Variants in ZFAND6 observed in about 807,000 individuals in gnomAD.
ZFAND6 encodes zinc finger AN1-type containing 6.
ZFAND6 carries 12 observed loss-of-function variants against 24.5 expected under a neutral mutation model. The ratio of observed to expected loss-of-function variants is 0.49; its 90% CI spans 0.31 to 0.79. The LOEUF (loss-of-function observed/expected upper bound fraction) is 0.79. ZFAND6 is among the 30% of genes least tolerant of loss of function. The pLI, the probability that ZFAND6 is intolerant of heterozygous loss-of-function variation, is 0.04. For synonymous variants in ZFAND6, 92 were observed against 81.5 expected (o/e 1.13, Z -0.69); for missense variants, 207 against 245.9 (o/e 0.84, Z 1.06).
At chr15:80,064,891 C>G (rs1596170832) in intron 1 of ZFAND6, among the ~76,000 whole-genome samples, 1 of 151,956 alleles carries the variant, frequency 6.6e-6, no homozygotes, top group South Asian at 2.1e-4. Context: ...CTTGGCCTCC[C>G]TAAGTGCTGG....
chr15:80,085,412 A>G (rs1014155056), intron 1 of ZFAND6, among the ~76,000 whole-genome samples: 1 of 152,224 alleles, frequency 6.6e-6, no homozygotes. Flanking sequence ...TAAATTTCAA[A>G]GTAAATTAAT....
chr15:80,064,287 A>G (rs2036489443), intron 1 of ZFAND6, among the ~76,000 whole-genome samples: 1 of 152,262 alleles, frequency 6.6e-6, no homozygotes, highest in East Asian at 1.9e-4. Flanking sequence ...ACTAACATCA[A>G]ACTTTAATAT....
chr15:80,093,043 C>T (rs2038482797), intron 1 of ZFAND6, among the ~76,000 whole-genome samples: 1 of 151,604 alleles, frequency 6.6e-6, no homozygotes, highest in Middle Eastern at 3.2e-3. Flanking sequence ...CAACCTCTGC[C>T]TCCTCGGTTC....
intron 6 of ZFAND6, among the ~76,000 whole-genome samples, chr15:80,133,199 G>GTTTT (rs3082115): frequency 6.9e-6 from 1 of 145,580 alleles, no homozygotes; most frequent in Non-Finnish European, 1.5e-5. Flanking sequence ...TTTGTTTTTT[G>GTTTT]TTTTTTTTTT....
At chr15:80,133,741 G>A (rs2103043) in intron 6 of ZFAND6, among the ~76,000 whole-genome samples, 93,235 of 152,004 alleles carry the variant, frequency 0.61, 29,420 homozygotes, top group Admixed American at 0.71. Context: ...TAAGGCAGGA[G>A]GAGATCGTCT....
At chr15:80,129,079 A>G (rs34008123) in intron 5 of ZFAND6, among the ~76,000 whole-genome samples, 9,548 of 152,242 alleles carry the variant, frequency 0.063, 405 homozygotes, top group East Asian at 0.19. Flanking sequence ...TCTGATTGCA[A>G]GGTAAGCTGT....
chr15:80,067,426 T>G (rs879408185), intron 1 of ZFAND6, among the ~76,000 whole-genome samples: 7 of 152,180 alleles, frequency 4.6e-5, no homozygotes, highest in Non-Finnish European at 8.8e-5. Flanking sequence ...ATAGGTTAGG[T>G]CTTTCTCTTG....
In ZFAND6 at chr15:80,120,119, A is replaced by C. The variant is rs565411415; in HGVS notation, c.-17-209A>C. 2.6e-5 allele frequency among the ~76,000 whole-genome samples: 4 copies of C among 152,296 alleles called. No individual in the cohort carries two copies. In the South Asian group the frequency reaches 8.3e-4, roughly 32 times the overall value. Reference sequence around the variant, plus strand: ...TTCTGAGCCTGTACAGACTTGGCTTATGTAGAGTGGGTTGGAGATAAAAAG... The same window carrying C: ...TTCTGAGCCTGTACAGACTTGGCTTCTGTAGAGTGGGTTGGAGATAAAAAG... On this transcript the variant is annotated intron_variant, in intron 2 of 6. Transcript: ENST00000261749.
intron 2 of ZFAND6, among the ~76,000 whole-genome samples, chr15:80,101,355 C>T (rs963356918): frequency 6.6e-5 from 10 of 151,946 alleles, no homozygotes; most frequent in African/African-American, 4.8e-5. Flanking sequence ...CAAAGCTACT[C>T]GGGAGGCTGA....
chr15:80,114,716 C>G (rs2039787486), intron 2 of ZFAND6, among the ~76,000 whole-genome samples: 1 of 152,088 alleles, frequency 6.6e-6, no homozygotes, highest in African/African-American at 2.4e-5. Context: ...ATTCTTTTGT[C>G]AGAATTTTAA....
intron 1 of ZFAND6, among the ~76,000 whole-genome samples, chr15:80,076,580 G>T (rs1046136646): frequency 6.6e-6 from 1 of 152,144 alleles, no homozygotes; most frequent in African/African-American, 2.4e-5. Context: ...AGCTGATTCT[G>T]TGCTAAACAT....
chr15:80,069,591 C>G (rs1156590930), intron 1 of ZFAND6, among the ~76,000 whole-genome samples: 1 of 152,036 alleles, frequency 6.6e-6, no homozygotes, highest in Non-Finnish European at 1.5e-5. Context: ...ATATATCTTA[C>G]TTTTGCCAGG....
At chr15:80,081,501 A>G (rs912513218) in intron 1 of ZFAND6, among the ~76,000 whole-genome samples, 1 of 148,614 alleles carries the variant, frequency 6.7e-6, no homozygotes, top group African/African-American at 2.6e-5. Context: ...GTATTGTCAA[A>G]TAACATATTG....
At chr15:80,110,431 C>T (rs1023238816) in intron 2 of ZFAND6, among the ~76,000 whole-genome samples, 4 of 151,948 alleles carry the variant, frequency 2.6e-5, no homozygotes, top group African/African-American at 9.7e-5. Flanking sequence ...ACTAAATAAA[C>T]TGAGAGATAT....
chr15:80,059,411 C>T (rs185220012), upstream of ZFAND6, among the ~76,000 whole-genome samples: 1 of 152,330 alleles, frequency 6.6e-6, no homozygotes, highest in Non-Finnish European at 1.5e-5. Flanking sequence ...CCAGAGAGGG[C>T]AGTGGAGCAA....
chr15:80,111,077 C>T (rs1417316316), intron 2 of ZFAND6, among the ~76,000 whole-genome samples: 1 of 152,184 alleles, frequency 6.6e-6, no homozygotes, highest in Non-Finnish European at 1.5e-5. Context: ...CCTTCAGATT[C>T]AATTGTTGAG....
At chr15:80,122,571 T>C (rs2040194746) in intron 4 of ZFAND6, 129 bp from the exon 5 acceptor site, 2 of 605,398 alleles carry the variant, frequency 3.3e-6, no homozygotes, top group Admixed American at 3.1e-5. Context: ...GTTTAAGTTA[T>C]TAAAAAAAAG....
chr15:80,133,410 C>G (rs2114715), intron 6 of ZFAND6, among the ~76,000 whole-genome samples: 115,067 of 151,872 alleles, frequency 0.76, 43,816 homozygotes, highest in Admixed American at 0.84. Flanking sequence ...GGCCAGGCTG[C>G]TCTCAAACTC....
chr15:80,120,128 G>A (rs2040082535), intron 2 of ZFAND6, among the ~76,000 whole-genome samples, 200 bp from the exon 3 acceptor site: 5 of 152,144 alleles, frequency 3.3e-5, no homozygotes, highest in Admixed American at 3.3e-4. Context: ...TATGTAGAGT[G>A]GGTTGGAGAT....
Sources: gnomAD v4.1 joint callset for allele counts (sites outside exome capture counted in the v4.1 genomes callset) on GRCh38, gnomAD v4.1.1 for gene constraint, MANE v1.5 for transcripts, NCBI Gene and HGNC (gene_info 2026-07-23, HGNC 2026-07-21) for gene names.